RPH3AL: variants seen among roughly 807,000 people sequenced by gnomAD.
The protein encoded by RPH3AL is rab effector Noc2.
RPH3AL carries 38 observed loss-of-function variants against 43.1 expected under a neutral mutation model. The ratio of observed to expected loss-of-function variants is 0.88; its 90% CI spans 0.68 to 1.15. The LOEUF is 1.15. Ranked by LOEUF, RPH3AL falls within the 50% of genes most tolerant of loss-of-function variation. The pLI, the probability that RPH3AL is intolerant of heterozygous loss-of-function variation, is 0.00. For missense variants in RPH3AL, 462 were observed against 423.2 expected, an observed-to-expected ratio of 1.09 and a Z score of -0.81; for synonymous variants, 189 against 176.3, an observed-to-expected ratio of 1.07 and a Z score of -0.57.
rs559538439 is a variant in RPH3AL, at chr17:215,408, A to G, written c.876+246T>C. On this transcript the variant is annotated intron_variant, in intron 9 of 9. Coordinates refer to ENST00000331302, the MANE Select transcript of RPH3AL (RefSeq NM_006987.4). The surrounding 1 kb of genome is among the most constrained non-coding windows in gnomAD (Gnocchi z 4.1). ...CCCGACACGTTTTATGTAGCAGAGG[A>G]TGGTAACCACTGCTGTGATTACCGA... 1.3e-5 allele frequency among the ~76,000 whole-genome samples: 2 copies of G among 152,328 alleles called. No homozygotes were observed. Among genetic ancestry groups the G allele is most frequent in the South Asian group, 4.1e-4 (2 of 4,824 alleles).
chr17:216,391 A>T (rs1309514875), intron 8 of RPH3AL, among the ~76,000 whole-genome samples: 1 of 133,482 alleles, frequency 7.5e-6, no homozygotes, highest in African/African-American at 2.9e-5. Flanking sequence ...GGGGTGGGGG[A>T]TATATATTTT....
At chr17:286,101 G>A (rs954071677) in intron 5 of RPH3AL, among the ~76,000 whole-genome samples, 17 of 152,334 alleles carry the variant, frequency 1.1e-4, no homozygotes, top group South Asian at 2.1e-4. Flanking sequence ...AAATGTGCAC[G>A]TGTCTCACTG....
chr17:300,937 C>CCA (rs2043314374), intron 5 of RPH3AL, among the ~76,000 whole-genome samples: 1 of 151,662 alleles, frequency 6.6e-6, no homozygotes, highest in Admixed American at 6.6e-5. Flanking sequence ...CTGCCACAGC[C>CCA]TAGGCCTGCA....
intron 1 of RPH3AL, among the ~76,000 whole-genome samples, chr17:350,430 G>T (rs2045330240): frequency 6.6e-6 from 1 of 152,130 alleles, no homozygotes; most frequent in Admixed American, 6.5e-5. Context: ...GCCAACATGG[G>T]TGAAACACCA....
At chr17:340,219 A>T (rs909066829) in intron 1 of RPH3AL, among the ~76,000 whole-genome samples, 1 of 151,680 alleles carries the variant, frequency 6.6e-6, no homozygotes, top group Non-Finnish European at 1.5e-5. Flanking sequence ...CCACCCAAAC[A>T]CCTCAAAATC....
intron 7 of RPH3AL, 94 bp downstream of exon 7, chr17:247,017 G>T: frequency 7.5e-7 from 1 of 1,335,326 alleles, no homozygotes; most frequent in Non-Finnish European, 1.1e-6. Context: ...TGGATGGAGG[G>T]TGCGGGGGAC....
At chr17:217,138 A>C (rs8072373) in intron 8 of RPH3AL, among the ~76,000 whole-genome samples, 112,642 of 123,910 alleles carry the variant, frequency 0.91, 51,373 homozygotes, top group Non-Finnish European at 0.93. Flanking sequence ...CAAGGCATTT[A>C]GTTCCCATCT....
intron 6 of RPH3AL, among the ~76,000 whole-genome samples, chr17:266,927 C>T (rs1045524956): frequency 1.3e-5 from 2 of 152,350 alleles, no homozygotes; most frequent in East Asian, 1.9e-4. Context: ...TGTAGGGCTG[C>T]GTGCCCCTGG....
intron 5 of RPH3AL, among the ~76,000 whole-genome samples, chr17:299,849 C>T (rs575174853): frequency 1.3e-5 from 2 of 152,386 alleles, no homozygotes; most frequent in East Asian, 3.9e-4. Context: ...CTGCCAGAGG[C>T]TACACTGACC....
chr17:280,996 C>T (rs572718086), intron 6 of RPH3AL, among the ~76,000 whole-genome samples: 2 of 152,220 alleles, frequency 1.3e-5, no homozygotes, highest in African/African-American at 4.8e-5. Flanking sequence ...CCCTCACATT[C>T]TGTCCCAGCC....
At chr17:349,113 TGTG>T (rs1252881766) in intron 1 of RPH3AL, 1 of 151,876 alleles carries the variant, frequency 6.6e-6, no homozygotes, top group Non-Finnish European at 1.5e-5. Context: ...AAGAGAAGAA[TGTG>T]GTGCAGGGCT....
intron 2 of RPH3AL, among the ~76,000 whole-genome samples, chr17:329,559 T>G (rs1233059857): frequency 6.6e-6 from 1 of 152,246 alleles, no homozygotes; most frequent in Non-Finnish European, 1.5e-5. Flanking sequence ...CACTAGAAAT[T>G]AAAACTGAGA....
In RPH3AL at chr17:229,326, G is replaced by A. The variant is rs571661862; in HGVS notation, c.614-9590C>T. The stretch of plus-strand genomic sequence containing the variant: ...TGTCCCTTCCCTCAGCCCCACTGCT[G>A]GGTTTTGGGCAAAGCGGTTACTCAG... On this transcript the variant is annotated intron_variant, in intron 7 of 9. Transcript: ENST00000331302. 4.6e-5 allele frequency among the ~76,000 whole-genome samples: 7 copies of A among 152,342 alleles called. No homozygotes were observed. In the East Asian group the frequency reaches 1.2e-3, roughly 25 times the overall value.
At chr17:270,954 A>G (rs2151587382) in intron 6 of RPH3AL, among the ~76,000 whole-genome samples, 1 of 152,288 alleles carries the variant, frequency 6.6e-6, no homozygotes, top group Non-Finnish European at 1.5e-5. Flanking sequence ...ATTTTTGTAT[A>G]AGGTGTAAGG....
Position 315,104 on chromosome 17 carries a change from C to T in RPH3AL, c.351+4316G>A, listed in dbSNP as rs903379468. On this transcript the variant is annotated intron_variant, in intron 5 of 9. Transcript: ENST00000331302. ...CTCCACTGAATTGTAGTCCCTGTGA[C>T]CCCACCTCCATTGACCTGTAGTCTC... is the stretch of plus-strand genomic sequence containing the variant. Among the ~76,000 whole-genome samples the T allele has an allele frequency of 1.6e-3, 131 of 82,698 alleles. 2 individuals carry two copies. Among genetic ancestry groups the T allele is most frequent in the Non-Finnish European group, 2.2e-3 (88 of 39,194 alleles). 54.3% of individuals were successfully genotyped at this position (82,698 alleles called of 152,430 possible).
chr17:227,358 G>A (rs34372025), intron 7 of RPH3AL, among the ~76,000 whole-genome samples: 6 of 126,702 alleles, frequency 4.7e-5, no homozygotes, highest in African/African-American at 1.9e-4. Flanking sequence ...TTCTGGAAAC[G>A]CTTTCTTGAC....
chr17:316,423 C>A (rs1299655817), intron 5 of RPH3AL, among the ~76,000 whole-genome samples: 2 of 152,082 alleles, frequency 1.3e-5, no homozygotes, highest in African/African-American at 2.4e-5. Context: ...TGTGACCCCA[C>A]CTCCATTGAC....
rs369880880 is a variant in RPH3AL at position 309,352 on chromosome 17, CCAAA to C, written c.351+10064_351+10067del. ...GCTTCCTGGCCTCGAGTCCCAGATA[CCAAA>C]CAGAGAGGGAAGCTGAAGCCTTAGG... On this transcript the variant is annotated intron_variant, in intron 5 of 9. Transcript: ENST00000331302. 7.2e-5 allele frequency among the ~76,000 whole-genome samples: 11 copies of C among 152,332 alleles called. No individual in the cohort carries two copies. In the East Asian group the frequency reaches 1.7e-3, roughly 24 times the overall value.
intron 8 of RPH3AL, among the ~76,000 whole-genome samples, chr17:216,935 C>A (rs1207973578): frequency 1.3e-5 from 2 of 152,204 alleles, no homozygotes; most frequent in East Asian, 3.9e-4. Context: ...CATTCCCAAC[C>A]CAGTCTTGGT....
Sources: gnomAD v4.1 joint callset for allele counts (sites outside exome capture counted in the v4.1 genomes callset) on GRCh38, gnomAD v4.1.1 for gene constraint, Gnocchi (gnomAD v3.1) non-coding constraint, MANE v1.5 for transcripts, NCBI Gene and HGNC (gene_info 2026-07-23, HGNC 2026-07-21) for gene names.